The following LIPC variants were observed in gnomAD, a reference collection of about 807,000 sequenced individuals.
LIPC encodes hepatic triacylglycerol lipase.
Under a neutral mutation model 50.7 loss-of-function variants are expected in LIPC, and 44 were observed. The ratio of observed to expected loss-of-function variants is 0.87; its 90% CI spans 0.68 to 1.11. The LOEUF is 1.11. Ranked by LOEUF, LIPC falls within the 50% of genes most tolerant of loss-of-function variation. The probability of loss-of-function intolerance (pLI) is 0.00; values close to 1 mark genes in which losing one functional copy is unlikely to be tolerated. For missense variants in LIPC, 697 were observed against 648.2 expected (o/e 1.08, Z -0.82); for synonymous variants, 271 against 256.4 (o/e 1.06, Z -0.54).
intron 1 of LIPC, chr15:58,456,351 A>G (rs1357987089): frequency 1.3e-5 from 2 of 152,248 alleles, no homozygotes; most frequent in Non-Finnish European, 2.9e-5. Flanking sequence ...GTGTGATAGT[A>G]TGATAGCTGA....
chr15:58,568,440 G>T (rs1894457633), intron 8 of LIPC, among the ~76,000 whole-genome samples: 1 of 152,220 alleles, frequency 6.6e-6, no homozygotes, highest in Non-Finnish European at 1.5e-5. Flanking sequence ...AGCTGTCATA[G>T]GGGAGAACAA....
At chr15:58,498,039 C>G (rs1490353856) in intron 1 of LIPC, among the ~76,000 whole-genome samples, 57 of 152,148 alleles carry the variant, frequency 3.7e-4, no homozygotes, top group Non-Finnish European at 2.9e-5. Context: ...GCTCAACATG[C>G]CTTGCACACA....
intron 1 of LIPC, among the ~76,000 whole-genome samples, chr15:58,434,688 G>A (rs1213165371): frequency 6.6e-6 from 1 of 152,226 alleles, no homozygotes; most frequent in Non-Finnish European, 1.5e-5. Context: ...GCTGCTTGAA[G>A]CCCACATGGC....
intron 1 of LIPC, among the ~76,000 whole-genome samples, chr15:58,451,051 T>A (rs965353172): frequency 6.6e-6 from 1 of 152,042 alleles, no homozygotes; most frequent in African/African-American, 2.4e-5. Flanking sequence ...AGAATCATGG[T>A]TTACTGAAGG....
rs1256724346 is a variant in LIPC at position 58,436,889 on chromosome 15, C to A, written c.88+4769C>A. The A allele has an allele frequency of 1.1e-5, 5 of 455,214 alleles. No homozygotes were observed. The Admixed American group carries it at 1.2e-4, about 11-fold the overall frequency. The allele number at this position is 455,214 out of a possible 1,614,324, so 28.2% of individuals were successfully genotyped here. ...ATAAAGTACATGTGCTTTTCAAGCC[C>A]AAATACCTTTCAAAAAAGACCATCT... On this transcript the variant is annotated intron_variant, in intron 1 of 8. Transcript: ENST00000299022.
intron 1 of LIPC, among the ~76,000 whole-genome samples, chr15:58,465,960 G>T (rs1454185405): frequency 6.6e-6 from 1 of 152,168 alleles, no homozygotes; most frequent in Non-Finnish European, 1.5e-5. Flanking sequence ...AAATTCCTCT[G>T]AAGTTCTATC....
chr15:58,479,044 G>T (rs1400395645), intron 1 of LIPC, among the ~76,000 whole-genome samples: 2 of 152,228 alleles, frequency 1.3e-5, no homozygotes, highest in Non-Finnish European at 2.9e-5. Context: ...CAACCTAGAA[G>T]ACAGTCTTCT....
chr15:58,499,431 G>A (rs1280262583), intron 1 of LIPC, among the ~76,000 whole-genome samples: 1 of 152,174 alleles, frequency 6.6e-6, no homozygotes, highest in East Asian at 1.9e-4. Flanking sequence ...GGATTCTTTA[G>A]GAATGAGTAT....
intron 1 of LIPC, among the ~76,000 whole-genome samples, chr15:58,506,824 T>A (rs531212972): frequency 2.6e-5 from 4 of 152,280 alleles, no homozygotes; most frequent in African/African-American, 9.6e-5. Flanking sequence ...AAAGACATAT[T>A]TGAGAAATAC....
chr15:58,540,350 A>T (rs1461289358), intron 2 of LIPC, among the ~76,000 whole-genome samples: 2 of 152,192 alleles, frequency 1.3e-5, no homozygotes, highest in African/African-American at 4.8e-5. Flanking sequence ...TGTTCCAGAC[A>T]CTGCTCTAAG....
chr15:58,516,684 A>G (rs12592017), intron 1 of LIPC, among the ~76,000 whole-genome samples: 35,873 of 152,100 alleles, frequency 0.24, 4,567 homozygotes, highest in South Asian at 0.41. Flanking sequence ...TAGACTTCTT[A>G]TATCTCCCAT....
chr15:58,535,527 G>A (rs1893089787), intron 1 of LIPC, among the ~76,000 whole-genome samples: 1 of 152,216 alleles, frequency 6.6e-6, no homozygotes, highest in Non-Finnish European at 1.5e-5. Context: ...CGAAGCCTCA[G>A]CCACCTGGGC....
chr15:58,552,529 T>C (rs1212000936), intron 6 of LIPC, among the ~76,000 whole-genome samples: 7 of 151,828 alleles, frequency 4.6e-5, no homozygotes, highest in Admixed American at 2.6e-4. Flanking sequence ...GTGCTGCCCT[T>C]CCCCCTCCCC....
Position 58,490,963 on chromosome 15 carries a change from TTAAA to T in LIPC, c.89-47367_89-47364del, listed in dbSNP as rs1277870217. ...ACCTCCTAAGGAAAGAGCGAGCCCA[TTAAA>T]TAGCCAGGAAGGAATGGAGTTCACA... On this transcript the variant is annotated intron_variant, in intron 1 of 8. Transcript: ENST00000299022. Among the ~76,000 whole-genome samples the T allele has an allele frequency of 8.5e-5, 13 of 152,260 alleles. No homozygotes were observed. The South Asian group carries it at 2.1e-3, about 24-fold the overall frequency.
chr15:58,478,153 G>C (rs999801572), intron 1 of LIPC, among the ~76,000 whole-genome samples: 4 of 152,170 alleles, frequency 2.6e-5, no homozygotes, highest in Non-Finnish European at 5.9e-5. Flanking sequence ...GAAGTGATGA[G>C]TGAACTCTCA....
chr15:58,448,890 T>C (rs1253196916), intron 1 of LIPC, among the ~76,000 whole-genome samples: 1 of 152,150 alleles, frequency 6.6e-6, no homozygotes, highest in Non-Finnish European at 1.5e-5. Flanking sequence ...GGGCCAGTAA[T>C]CTGCACTCTC....
intron 1 of LIPC, among the ~76,000 whole-genome samples, chr15:58,450,780 T>G (rs756466699): frequency 6.6e-6 from 1 of 152,158 alleles, no homozygotes; most frequent in Non-Finnish European, 1.5e-5. Context: ...ATGCCTGGTA[T>G]TGATAAGAGC....
intron 1 of LIPC, among the ~76,000 whole-genome samples, chr15:58,450,245 G>A (rs563394445): frequency 5.8e-4 from 88 of 152,324 alleles, no homozygotes; most frequent in African/African-American, 2.1e-3. Context: ...TCAAACTTGA[G>A]TGTGCATCAC....
intron 1 of LIPC, among the ~76,000 whole-genome samples, chr15:58,510,777 T>C (rs1234236341): frequency 6.6e-6 from 1 of 152,256 alleles, no homozygotes; most frequent in Non-Finnish European, 1.5e-5. Flanking sequence ...GCTATTTGTG[T>C]ATACTGGATT....
Sources: allele counts gnomAD v4.1 joint callset (sites outside exome capture counted in the v4.1 genomes callset), GRCh38; gene constraint gnomAD v4.1.1; transcripts MANE v1.5; gene names NCBI Gene and HGNC (gene_info 2026-07-23, HGNC 2026-07-21).